The following CPNE4 variants were observed in gnomAD, a reference collection of about 807,000 sequenced individuals.
The protein encoded by CPNE4 is copine 4, also known as copine-4.
Under a neutral mutation model 67.9 loss-of-function variants are expected in CPNE4, and 25 were observed. The ratio of observed to expected loss-of-function variants is 0.37; its 90% CI spans 0.27 to 0.51. CPNE4 has a LOEUF of 0.51. CPNE4 is among the 20% of genes least tolerant of loss of function. The pLI, the probability that CPNE4 is intolerant of heterozygous loss-of-function variation, is 0.93. For synonymous variants in CPNE4, 242 were observed against 244.9 expected (o/e 0.99, Z 0.11); for missense variants, 464 against 690.8 (o/e 0.67, Z 3.68).
chr3:131,587,706 G>A (rs1938278356), intron 7 of CPNE4, 124 bp from the exon 8 acceptor site: 1 of 687,160 alleles, frequency 1.5e-6, no homozygotes, highest in Non-Finnish European at 2.5e-6. Context: ...AAGCCTGGGA[G>A]TCTAAGATTG....
At chr3:131,647,810 G>A (rs1224098730) in intron 7 of CPNE4, among the ~76,000 whole-genome samples, 5 of 152,020 alleles carry the variant, frequency 3.3e-5, no homozygotes, top group African/African-American at 9.7e-5. Flanking sequence ...CCTGGTCTCT[G>A]GGCAATAACA....
At chr3:131,931,253 G>A (rs1455476842) in intron 1 of CPNE4, among the ~76,000 whole-genome samples, 1 of 151,978 alleles carries the variant, frequency 6.6e-6, no homozygotes, top group South Asian at 2.1e-4. Flanking sequence ...TACAAATACT[G>A]CAAACATGTT....
chr3:131,545,484 A>T (rs1935776627), intron 14 of CPNE4, among the ~76,000 whole-genome samples: 1 of 152,192 alleles, frequency 6.6e-6, no homozygotes, highest in South Asian at 2.1e-4. Context: ...AACAAATCAA[A>T]TTAATATTAG....
chr3:131,897,008 G>A (rs186646451), intron 2 of CPNE4, among the ~76,000 whole-genome samples: 14 of 152,096 alleles, frequency 9.2e-5, no homozygotes, highest in Non-Finnish European at 1.6e-4. Context: ...GATTCCTAAC[G>A]GGCAGGAATA....
chr3:131,897,725 T>A (rs991986960), intron 2 of CPNE4, among the ~76,000 whole-genome samples: 11 of 151,998 alleles, frequency 7.2e-5, no homozygotes, highest in African/African-American at 2.7e-4. Context: ...CAAGATCCCA[T>A]CTCTATGAAA....
intron 2 of CPNE4, among the ~76,000 whole-genome samples, chr3:131,864,198 T>C (rs1309289560): frequency 6.6e-6 from 1 of 151,232 alleles, no homozygotes; most frequent in Non-Finnish European, 1.5e-5. Context: ...GGCTCTTTTT[T>C]GGTTCCATAT....
At chr3:131,799,919 T>TG (rs144238304) in intron 2 of CPNE4, among the ~76,000 whole-genome samples, 37,341 of 145,180 alleles carry the variant, frequency 0.26, 4,877 homozygotes, top group Admixed American at 0.31. Flanking sequence ...TGTGTGTGTG[T>TG]TGTGTGTGTG....
At chr3:131,640,366 T>C (rs1422819041) in intron 7 of CPNE4, among the ~76,000 whole-genome samples, 1 of 151,986 alleles carries the variant, frequency 6.6e-6, no homozygotes, top group Non-Finnish European at 1.5e-5. Context: ...ACACCAGCAG[T>C]GACCAAGCTG....
chr3:131,871,635 T>G (rs2087211693), intron 2 of CPNE4, among the ~76,000 whole-genome samples: 1 of 152,202 alleles, frequency 6.6e-6, no homozygotes, highest in African/African-American at 2.4e-5. Flanking sequence ...ATACCCTCAT[T>G]TCTCTCAACA....
intron 2 of CPNE4, among the ~76,000 whole-genome samples, chr3:131,864,429 G>T (rs575242495): frequency 3.8e-4 from 58 of 152,174 alleles, no homozygotes; most frequent in African/African-American, 1.1e-3. Context: ...CATGTTCCTT[G>T]TAAGTTGGAT....
intron 2 of CPNE4, among the ~76,000 whole-genome samples, chr3:131,792,611 GTA>G (rs1256766972): frequency 2.6e-5 from 3 of 116,714 alleles, no homozygotes; most frequent in South Asian, 2.7e-4. Flanking sequence ...ATGTGTGTGT[GTA>G]TATATGTATA....
At chr3:131,682,955 A>T (rs1351081762) in intron 6 of CPNE4, among the ~76,000 whole-genome samples, 1 of 151,992 alleles carries the variant, frequency 6.6e-6, no homozygotes, top group East Asian at 1.9e-4. Flanking sequence ...GCCTACCACC[A>T]ACGTTCACTC....
rs778013344 is a variant in CPNE4 at position 131,542,742 on chromosome 3, C to T, written c.1354G>A (p.Asp452Asn). Reference protein sequence around the residue: ...LTDGVITDMADTREAIVHASH... With the variant: ...LTDGVITDMANTREAIVHASH... Reference sequence around the variant, plus strand: ...GCATGGACAATGGCCTCCCGGGTGTCGGCCATGTCTGTGATAACACCATCT... The same window carrying T: ...GCATGGACAATGGCCTCCCGGGTGTTGGCCATGTCTGTGATAACACCATCT... Residue 452 changes from aspartate to asparagine, a missense_variant, in exon 15 of 16, where the codon GAC (aspartate) becomes AAC (asparagine). Transcript: ENST00000429747. The T allele has an allele frequency of 1.5e-5, 24 of 1,613,758 alleles. No individual in the cohort carries two copies. Among genetic ancestry groups the T allele is most frequent in the African/African-American group, 5.3e-5 (4 of 74,860 alleles).
At chr3:131,830,779 A>G (rs1007323133) in intron 2 of CPNE4, among the ~76,000 whole-genome samples, 2 of 152,096 alleles carry the variant, frequency 1.3e-5, no homozygotes, top group African/African-American at 4.8e-5. Context: ...TATTTTGTTC[A>G]CTGATACATC....
chr3:131,821,710 G>A (rs1259343110), intron 2 of CPNE4, among the ~76,000 whole-genome samples: 1 of 152,154 alleles, frequency 6.6e-6, no homozygotes, highest in African/African-American at 2.4e-5. Flanking sequence ...AGCTGTGCAC[G>A]ACAATGTAAA....
intron 1 of CPNE4, among the ~76,000 whole-genome samples, chr3:131,978,106 TA>T (rs2072730603): frequency 5.2e-5 from 3 of 57,324 alleles, no homozygotes; most frequent in Non-Finnish European, 8.2e-5. Flanking sequence ...TATAAATATA[TA>T]TAAAATATAT....
intron 2 of CPNE4, among the ~76,000 whole-genome samples, chr3:131,747,948 A>C (rs886706608): frequency 1.3e-5 from 2 of 151,816 alleles, no homozygotes; most frequent in East Asian, 1.9e-4. Context: ...GAAAGCACTC[A>C]GTTTTTTACC....
chr3:131,986,316 T>C (rs1401962570), intron 1 of CPNE4, among the ~76,000 whole-genome samples: 1 of 152,162 alleles, frequency 6.6e-6, no homozygotes, highest in Non-Finnish European at 1.5e-5. Context: ...CAACATGATG[T>C]CATTGAATAA....
chr3:131,771,036 G>C (rs1257383549), intron 2 of CPNE4, among the ~76,000 whole-genome samples: 2 of 152,082 alleles, frequency 1.3e-5, no homozygotes, highest in African/African-American at 2.4e-5. Flanking sequence ...TCCTTATCTT[G>C]ATTATAGTTT....
Sources: allele counts gnomAD v4.1 joint callset (sites outside exome capture counted in the v4.1 genomes callset), GRCh38; gene constraint gnomAD v4.1.1; transcripts MANE v1.5; gene names NCBI Gene and HGNC (gene_info 2026-07-23, HGNC 2026-07-21).